CHL1: variants seen among roughly 807,000 people sequenced by gnomAD.
CHL1 encodes neural cell adhesion molecule L1-like protein.
In CHL1, 96 loss-of-function variants were observed where a neutral mutation model predicts 141.9. The ratio of observed to expected loss-of-function variants is 0.68; its 90% CI spans 0.57 to 0.80. The LOEUF (loss-of-function observed/expected upper bound fraction) is 0.80, where lower values mean the gene tolerates loss of function less well. CHL1 is among the 30% of genes least tolerant of loss of function. The probability of loss-of-function intolerance (pLI) is 0.00; values close to 1 mark genes in which losing one functional copy is unlikely to be tolerated. For synonymous variants in CHL1, 613 were observed against 502.2 expected (o/e 1.22, Z -2.95); for missense variants, 1,820 against 1,457.2 (o/e 1.25, Z -4.05).
chr3:402,470 C>G (rs1259373367), intron 27 of CHL1, among the ~76,000 whole-genome samples: 1 of 152,158 alleles, frequency 6.6e-6, no homozygotes, highest in East Asian at 1.9e-4. Context: ...GTTGTAATGT[C>G]ATCATTTTTC....
intron 1 of CHL1, among the ~76,000 whole-genome samples, chr3:223,390 T>G (rs888383831): frequency 2.0e-5 from 3 of 152,226 alleles, no homozygotes; most frequent in African/African-American, 7.2e-5. Flanking sequence ...GTGAGGACTA[T>G]ACCATCTTTT....
intron 5 of CHL1, among the ~76,000 whole-genome samples, chr3:331,246 A>T (rs1259928100): frequency 6.6e-6 from 1 of 151,810 alleles, no homozygotes; most frequent in East Asian, 1.9e-4. Context: ...TGTTTTTGAC[A>T]GGAACTCACT....
intron 2 of CHL1, among the ~76,000 whole-genome samples, chr3:297,400 C>A (rs1351240554): frequency 6.6e-6 from 1 of 151,846 alleles, no homozygotes; most frequent in Non-Finnish European, 1.5e-5. Flanking sequence ...CAGTTGCTCT[C>A]TTTTGCCCAT....
chr3:318,554 A>T (rs577819167), intron 2 of CHL1, among the ~76,000 whole-genome samples: 2 of 151,734 alleles, frequency 1.3e-5, no homozygotes, highest in Non-Finnish European at 2.9e-5. Context: ...TGAAATTGTA[A>T]GAGAAAGTAA....
chr3:390,857 T>A, intron 21 of CHL1, 41 bp downstream of exon 21: 2 of 1,496,956 alleles, frequency 1.3e-6, no homozygotes, highest in Non-Finnish European at 1.9e-6. Flanking sequence ...GTTGAATTGG[T>A]ATCTTTCCTG....
chr3:208,553 G>A (rs1003903649), intron 1 of CHL1, among the ~76,000 whole-genome samples: 1 of 152,156 alleles, frequency 6.6e-6, no homozygotes, highest in Non-Finnish European at 1.5e-5. Context: ...TGAAGGGAGT[G>A]GAAGGCTTGG....
chr3:289,454 G>T (rs1197273913), intron 2 of CHL1, among the ~76,000 whole-genome samples: 1 of 152,054 alleles, frequency 6.6e-6, no homozygotes, highest in South Asian at 2.1e-4. Context: ...AGCAATTATA[G>T]AATCTAGCTA....
At chr3:366,545 G>A (rs1323625406) in intron 15 of CHL1, among the ~76,000 whole-genome samples, 1 of 151,896 alleles carries the variant, frequency 6.6e-6, no homozygotes, top group African/African-American at 2.4e-5. Flanking sequence ...CTGTCTTCAA[G>A]TCACTTCACT....
chr3:301,609 G>A (rs1373383750), intron 2 of CHL1, among the ~76,000 whole-genome samples: 1 of 152,176 alleles, frequency 6.6e-6, no homozygotes, highest in Admixed American at 6.5e-5. Context: ...CTAGTTAACA[G>A]TATGAGAAGC....
chr3:338,904 T>G (rs1382631895), intron 5 of CHL1, among the ~76,000 whole-genome samples: 1 of 152,202 alleles, frequency 6.6e-6, no homozygotes, highest in Non-Finnish European at 1.5e-5. Context: ...GCTAGGTTTT[T>G]TTTAACGCTC....
At chr3:369,378 A>G (rs927107924) in intron 15 of CHL1, among the ~76,000 whole-genome samples, 3 of 152,138 alleles carry the variant, frequency 2.0e-5, no homozygotes, top group Non-Finnish European at 4.4e-5. Flanking sequence ...ATGGGAGTTC[A>G]TTTATGATTT....
chr3:210,956 C>T (rs1430106883), intron 1 of CHL1, among the ~76,000 whole-genome samples: 1 of 152,200 alleles, frequency 6.6e-6, no homozygotes, highest in African/African-American at 2.4e-5. Flanking sequence ...GCTGAGAATA[C>T]TGTTGGCTAA....
intron 3 of CHL1, among the ~76,000 whole-genome samples, chr3:323,127 G>A (rs892559544): frequency 5.3e-5 from 8 of 151,874 alleles, no homozygotes; most frequent in African/African-American, 1.5e-4. Flanking sequence ...AGTTATGACT[G>A]ACAAATTATG....
In CHL1 at chr3:361,798, C is replaced by T; in HGVS notation, c.1406C>T (p.Ala469Val). 2 of 1,609,510 alleles carry T rather than the reference C, an allele frequency of 1.2e-6. No homozygotes were observed. The highest frequency in any genetic ancestry group is 1.7e-4 in the Middle Eastern group (1 of 6,050). Residue 469 changes from alanine to valine, a missense_variant, in exon 13 of 28, where the codon GCA (alanine) becomes GTA (valine). Coordinates refer to ENST00000256509, the MANE Select transcript of CHL1 (RefSeq NM_006614.4). ...TGCGAGTTCTTTGCTTCACCTGAGG[C>T]AGTCGTGTCCTGGTAAGCCGGTGGC... is the stretch of plus-strand genomic sequence containing the variant. ...LHCEFFASPEAVVSWQKVEEV... is the reference protein window; with the variant it reads ...LHCEFFASPEVVVSWQKVEEV...
intron 2 of CHL1, among the ~76,000 whole-genome samples, chr3:250,944 C>A (rs1458622295): frequency 2.0e-5 from 3 of 152,034 alleles, no homozygotes; most frequent in Non-Finnish European, 4.4e-5. Flanking sequence ...TTAAGAGCCA[C>A]AGGGTTGAAG....
intron 2 of CHL1, among the ~76,000 whole-genome samples, chr3:311,670 A>T (rs986159616): frequency 2.0e-5 from 3 of 152,224 alleles, no homozygotes; most frequent in African/African-American, 7.2e-5. Context: ...GGGATGCTCC[A>T]GGAGTGAAGC....
rs142385997 is a variant in CHL1, at chr3:402,278, G to A, written c.3458+580G>A. Reference sequence around the variant, plus strand: ...AAAGGATAAAAAGTATTGTGTTACTGTTAACCACTGGACAGAGGATGACCA... The same window carrying A: ...AAAGGATAAAAAGTATTGTGTTACTATTAACCACTGGACAGAGGATGACCA... On this transcript the variant is annotated intron_variant, in intron 27 of 27. Coordinates refer to ENST00000256509, the MANE Select transcript of CHL1 (RefSeq NM_006614.4). Among the ~76,000 whole-genome samples the A allele has an allele frequency of 6.6e-5, 10 of 152,328 alleles. No homozygotes were observed. In the East Asian group the frequency reaches 1.9e-3, roughly 29 times the overall value.
intron 2 of CHL1, chr3:309,116 A>T (rs887293721): frequency 6.6e-6 from 1 of 151,970 alleles, no homozygotes; most frequent in African/African-American, 2.4e-5. Context: ...CGAGTGCAAC[A>T]CTCCCAGCCA....
In CHL1 at chr3:398,892, T is replaced by A. The variant is rs538071829; in HGVS notation, c.3254-125T>A. 2.7e-5 allele frequency: 21 copies of A among 790,956 alleles called. No homozygotes were observed. The East Asian group carries it at 5.2e-4, about 20-fold the overall frequency. The allele number at this position is 790,956 out of a possible 1,614,324, so 49.0% of individuals were successfully genotyped here. ...CATGTCCTTCAAATTGCATTCCTTCTGGGGTCATTAAAAAAACTGATACTA... is the reference window on the plus strand; with the variant it reads ...CATGTCCTTCAAATTGCATTCCTTCAGGGGTCATTAAAAAAACTGATACTA... On this transcript the variant is annotated intron_variant, in intron 25 of 27. Transcript: ENST00000256509.
Sources: allele counts gnomAD v4.1 joint callset (sites outside exome capture counted in the v4.1 genomes callset), GRCh38; gene constraint gnomAD v4.1.1; transcripts MANE v1.5; gene names NCBI Gene and HGNC (gene_info 2026-07-23, HGNC 2026-07-21).